MBD1: variants seen among roughly 807,000 people sequenced by gnomAD.
MBD1 encodes methyl-CpG binding domain protein 1, also known as methyl-CpG-binding domain protein 1.
Under a neutral mutation model 82.6 loss-of-function variants are expected in MBD1, and 25 were observed. The observed-to-expected ratio is 0.30, with a 90% CI of 0.22 to 0.42. MBD1 has a LOEUF of 0.42. Among genes scored for constraint, MBD1 ranks in the 10% least tolerant of loss-of-function variants. The probability of loss-of-function intolerance (pLI) is 1.00; values close to 1 mark genes in which losing one functional copy is unlikely to be tolerated. For synonymous variants in MBD1, 301 were observed against 303.7 expected (o/e 0.99, Z 0.09); for missense variants, 627 against 819.6 (o/e 0.76, Z 2.87).
chr18:50,270,238 C>T, intron 16 of MBD1: 1 of 1,359,474 alleles, frequency 7.4e-7, no homozygotes, highest in Non-Finnish European at 1.0e-6. Flanking sequence ...TTACTTAAAG[C>T]TGCAGGGCTG....
chr18:50,271,563 G>T, intron 15 of MBD1, 23 bp from the exon 16 acceptor site: 1 of 1,614,170 alleles, frequency 6.2e-7, no homozygotes, highest in Non-Finnish European at 8.5e-7. Context: ...GAGCAGGTCT[G>T]TATGTTGAAT....
At chr18:50,273,979 A>G (rs1224730656) in intron 11 of MBD1, 116 bp from the exon 12 acceptor site, 5 of 1,412,086 alleles carry the variant, frequency 3.5e-6, no homozygotes, top group Non-Finnish European at 4.9e-6. Flanking sequence ...ATCTGCTTAC[A>G]TATGAGCCCT....
chr18:50,276,921 T>C lies in MBD1; in HGVS notation c.303A>G (p.Gly101=), dbSNP rs1599464878. The stretch of plus-strand genomic sequence containing the variant: ...CCTTCCTGACCTCACCACTCTGGGG[T>C]CCAACCTGACGTTTCCGAGTCTTGG... ...RPAKTRKRQV[G]PQSGEVRKEA... Residue 101 remains glycine (G), a synonymous_variant, in exon 4 of 17, where the codon GGA becomes GGG. Transcript: ENST00000269468. 1.9e-6 allele frequency: 3 copies of C among 1,614,202 alleles called. No individual in the cohort carries two copies. The highest frequency in any genetic ancestry group is 1.3e-5 in the African/African-American group (1 of 75,042).
rs1005161632 is a variant in MBD1, at chr18:50,272,720, G to C, written c.1735C>G (p.Leu579Val). The change falls in exon 15 of 17, where the codon CTG (leucine) becomes GTG (valine). Residue 579 changes from leucine to valine, a missense_variant. Coordinates refer to ENST00000269468, the MANE Select transcript of MBD1 (RefSeq NM_015846.4). Reference protein sequence around the residue: ...GTPVITEIFSLGGTRFRDTAV... With the variant: ...GTPVITEIFSVGGTRFRDTAV... ...GTATCTCGGAAGCGGGTTCCACCCA[G>C]GCTGAAAATCTCCGTGATCTAGAGA... 2 of 1,614,216 alleles carry C rather than the reference G, an allele frequency of 1.2e-6. No individual in the cohort carries two copies. Among genetic ancestry groups the C allele is most frequent in the East Asian group, 4.5e-5 (2 of 44,882 alleles).
chr18:50,268,826 A>C (rs995633904), downstream of MBD1: 23 of 821,896 alleles, frequency 2.8e-5, no homozygotes, highest in African/African-American at 4.1e-4. Context: ...CACTCCCAAA[A>C]GAAACACTAA....
intron 16 of MBD1, chr18:50,271,236 C>G (rs1395641951): frequency 1.5e-6 from 2 of 1,376,924 alleles, no homozygotes; most frequent in Non-Finnish European, 1.9e-6. Context: ...TAAAATCCAA[C>G]TTCTTATACT....
rs149359750 is a variant in MBD1 at position 50,271,650 on chromosome 18, A to G, written c.1779-110T>C. The G allele has an allele frequency of 7.5e-4, 860 of 1,141,506 alleles. 5 individuals carry two copies. The African/African-American group carries it at 0.011, about 15-fold the overall frequency. The allele number at this position is 1,141,506 out of a possible 1,614,324, so 70.7% of individuals were successfully genotyped here. A position where few individuals can be genotyped will look rare whatever the true frequency, so the allele number is the denominator to read the frequency against. On this transcript the variant is annotated intron_variant, in intron 15 of 16. Transcript: ENST00000269468. ...TGTGTCCTCCATCCACTTCCCCTTA[A>G]TTATCCTTTATCTTTTTTTATATCT...
chr18:50,269,862 G>T (rs1192865814), intron 16 of MBD1, 44 bp from the exon 17 acceptor site: 2 of 874,980 alleles, frequency 2.3e-6, no homozygotes, highest in African/African-American at 1.6e-5. Context: ...GCCTTACAGA[G>T]ACTGTTTAAC....
Position 50,268,922 on chromosome 18 carries a change from C to T in MBD1, c.*929G>A, listed in dbSNP as rs1363874708. The T allele has an allele frequency of 1.0e-6, 1 of 984,808 alleles. No homozygotes were observed. The highest frequency in any genetic ancestry group is 1.7e-5 in the African/African-American group (1 of 57,232). The allele number at this position is 984,808 out of a possible 1,614,324, so 61.0% of individuals were successfully genotyped here. ...GATAGAAACTAAATTATTTCCAATT[C>T]CTACTGTGCCCCAAACAAGGTTCAC... is the stretch of plus-strand genomic sequence containing the variant. On this transcript the variant is annotated 3_prime_UTR_variant, in exon 17 of 17. Coordinates refer to ENST00000269468, the MANE Select transcript of MBD1 (RefSeq NM_015846.4).
At chr18:50,274,839 AT>A in intron 10 of MBD1, 137 bp downstream of exon 10, 1 of 868,442 alleles carries the variant, frequency 1.2e-6, no homozygotes. Flanking sequence ...TTAGTCCTCC[AT>A]TATCTACTCA....
intron 14 of MBD1, 31 bp from the exon 15 acceptor site, chr18:50,272,769 T>C: frequency 6.2e-7 from 1 of 1,614,152 alleles, no homozygotes; most frequent in East Asian, 2.2e-5. Flanking sequence ...TAGGTCAATG[T>C]GGTTGTTGGG....
rs745630214 is a variant in MBD1, at chr18:50,275,059, T to C, written c.910-14A>G. ...GGCTCTGGGGTGCTGTAGAGGCAAA[T>C]GGGGTGGGGTCAGGGCAGGTACTGG... On this transcript the variant is annotated splice_polypyrimidine_tract_variant and intron_variant, in intron 9 of 16. Coordinates refer to ENST00000269468, the MANE Select transcript of MBD1 (RefSeq NM_015846.4). 5 of 1,613,670 alleles carry C rather than the reference T, an allele frequency of 3.1e-6. No homozygotes were observed. In the South Asian group the frequency reaches 5.5e-5, roughly 18 times the overall value.
upstream of MBD1, chr18:50,281,695 C>G (rs1408582888): frequency 1.2e-5 from 5 of 419,388 alleles, no homozygotes; most frequent in Non-Finnish European, 2.1e-5. Flanking sequence ...TGCGTGCTGA[C>G]GTTCAACGAC....
intron 11 of MBD1, among the ~76,000 whole-genome samples, 153 bp from the exon 12 acceptor site, chr18:50,274,016 T>A (rs906199296): frequency 2.0e-5 from 3 of 152,196 alleles, no homozygotes; most frequent in Non-Finnish European, 4.4e-5. Flanking sequence ...TAGTCTCCTA[T>A]TAGCAACACC....
Position 50,277,200 on chromosome 18 carries a change from T to C in MBD1, c.115A>G (p.Thr39Ala). 6.2e-7 allele frequency: 1 copy of C among 1,612,458 alleles called. No individual in the cohort carries two copies. The highest frequency in any genetic ancestry group is 1.1e-5 in the South Asian group (1 of 91,000). Reference sequence around the variant, plus strand: ...ACTTTGCTTCGGATCCTGTCTCCTGTGGGGCTAGGGATGGGCCATGATGGG... The same window carrying C: ...ACTTTGCTTCGGATCCTGTCTCCTGCGGGGCTAGGGATGGGCCATGATGGG... ...GRSDTYYQSP[T>A]GDRIRSKVEL... The change falls in exon 3 of 17, where the codon ACA becomes GCA. Residue 39 changes from threonine (T) to alanine (A), a missense_variant. Physicochemically the swap from Thr to Ala is moderately conservative, Grantham distance 58. This residue lies in a region of MBD1 where 42 missense variants were observed against 90.4 expected (regional missense o/e 0.46). Coordinates refer to ENST00000269468, the MANE Select transcript of MBD1 (RefSeq NM_015846.4).
At position 50,280,706 on chromosome 18, in the gene MBD1, C is replaced by A. The variant is rs574299753; in HGVS notation, c.-26+657G>T. Among the ~76,000 whole-genome samples the A allele has an allele frequency of 2.8e-4, 43 of 152,096 alleles. No homozygotes were observed. The South Asian group carries it at 7.5e-3, about 26-fold the overall frequency. On this transcript the variant is annotated intron_variant, in intron 1 of 16. Transcript: ENST00000269468. The stretch of plus-strand genomic sequence containing the variant: ...CCCTTCCTCAGCCCAAGACCTCCCC[C>A]CTTATTTTTCTTCTCCTTCAATGTT...
chr18:50,269,811 C>G lies in MBD1; in HGVS notation c.*40G>C. On this transcript the variant is annotated 3_prime_UTR_variant, in exon 17 of 17. Transcript: ENST00000269468. ...CCATCTTCCCTTCCCGAGTGCCTGC[C>G]CTGCAGACTTCAAGCTCCAGCATTA... 1 of 792,524 alleles carries G rather than the reference C, an allele frequency of 1.3e-6. No homozygotes were observed. Among genetic ancestry groups the G allele is most frequent in the South Asian group, 1.3e-5 (1 of 74,868 alleles). 49.1% of individuals were successfully genotyped at this position (792,524 alleles called of 1,614,324 possible).
At chr18:50,276,464 G>T in intron 5 of MBD1, 46 bp from the exon 6 acceptor site, 1 of 1,591,350 alleles carries the variant, frequency 6.3e-7, no homozygotes, top group South Asian at 1.1e-5. Flanking sequence ...GGAAGCAACA[G>T]ACATCTGACT....
At chr18:50,274,671 T>A (rs1006852498) in intron 10 of MBD1, among the ~76,000 whole-genome samples, 1 of 152,224 alleles carries the variant, frequency 6.6e-6, no homozygotes, top group African/African-American at 2.4e-5. Flanking sequence ...AACATTTTGA[T>A]AACTCTCTAT....
Sources: gnomAD v4.1 joint callset for allele counts (sites outside exome capture counted in the v4.1 genomes callset) on GRCh38, gnomAD v4.1.1 for gene constraint, gnomAD v4.1.1 regional missense constraint, MANE v1.5 for transcripts, NCBI Gene and HGNC (gene_info 2026-07-23, HGNC 2026-07-21) for gene names.